Variants in POLR1D observed in about 807,000 individuals in gnomAD.
POLR1D encodes DNA-directed RNA polymerases I and III subunit RPAC2.
POLR1D carries 8 observed loss-of-function variants against 10.8 expected under a neutral mutation model. The observed-to-expected ratio is 0.74, with a 90% CI of 0.43 to 1.33. POLR1D has a LOEUF of 1.33. POLR1D is among the 40% of genes most tolerant of loss of function. The pLI, the probability that POLR1D is intolerant of heterozygous loss-of-function variation, is 0.01. For synonymous variants in POLR1D, 54 were observed against 57.2 expected (o/e 0.94, Z 0.25); for missense variants, 152 against 161.7 (o/e 0.94, Z 0.32).
intron 1 of POLR1D, among the ~76,000 whole-genome samples, chr13:27,631,003 C>G (rs1956067434): frequency 6.6e-6 from 1 of 152,248 alleles, no homozygotes; most frequent in South Asian, 2.1e-4. Flanking sequence ...CCGAACCTCT[C>G]TTCCCCTAAA....
At chr13:27,643,910 C>G (rs1168251632) in intron 1 of POLR1D, among the ~76,000 whole-genome samples, 1 of 152,146 alleles carries the variant, frequency 6.6e-6, no homozygotes, top group East Asian at 1.9e-4. Flanking sequence ...TTGAACACAT[C>G]AAGAAGAGAG....
chr13:27,623,436 C>T lies in POLR1D; in HGVS notation c.*186C>T. The T allele has an allele frequency of 2.3e-6, 3 of 1,312,386 alleles. No individual in the cohort carries two copies. Among genetic ancestry groups the T allele is most frequent in the Non-Finnish European group, 3.0e-6 (3 of 1,004,678 alleles). The allele number at this position is 1,312,386 out of a possible 1,614,324, so 81.3% of individuals were successfully genotyped here. A position where few individuals can be genotyped will look rare whatever the true frequency, so the allele number is the denominator to read the frequency against. On this transcript the variant is annotated 3_prime_UTR_variant, in exon 2 of 2. Coordinates refer to ENST00000302979, the MANE Select transcript of POLR1D (RefSeq NM_015972.4). ...CCTCTGTATTCTTCTAATAAATTCC[C>T]TCTTTTATTTAAACTAGTTTGACTG... is the stretch of plus-strand genomic sequence containing the variant.
At chr13:27,659,176 T>C (rs571093946) in intron 2 of POLR1D, among the ~76,000 whole-genome samples, 35 of 152,352 alleles carry the variant, frequency 2.3e-4, no homozygotes, top group African/African-American at 7.0e-4. Context: ...CATGTGTTTA[T>C]TTATTTATAT....
chr13:27,663,696 A>C lies in POLR1D; in HGVS notation c.102-1990A>C, dbSNP rs140926903. Among the ~76,000 whole-genome samples the C allele has an allele frequency of 1.3e-5, 2 of 152,264 alleles. No individual in the cohort carries two copies. Among genetic ancestry groups the C allele is most frequent in the African/African-American group, 4.8e-5 (2 of 41,564 alleles). On this transcript the variant is annotated intron_variant, in intron 2 of 2. Transcript: ENST00000399697. The surrounding 1 kb of genome is among the most constrained non-coding windows in gnomAD (Gnocchi z 4.1). ...CAAAGGTTTTGTTCTGAGATCCTGG[A>C]TTACCATCACGTCTGGGAAAAGTAC...
chr13:27,658,296 C>T (rs193154020), intron 2 of POLR1D, among the ~76,000 whole-genome samples: 160 of 152,340 alleles, frequency 1.1e-3, no homozygotes, highest in Non-Finnish European at 1.8e-3. Flanking sequence ...TCTGCAGAAT[C>T]CAGAACAATC....
chr13:27,629,160 G>A (rs1347587983), intron 1 of POLR1D, among the ~76,000 whole-genome samples: 3 of 152,176 alleles, frequency 2.0e-5, no homozygotes, highest in Non-Finnish European at 4.4e-5. Context: ...ATTGATATGT[G>A]TGGAATCTTG....
chr13:27,634,462 G>A (rs1956103119), intron 1 of POLR1D, among the ~76,000 whole-genome samples: 1 of 152,180 alleles, frequency 6.6e-6, no homozygotes, highest in African/African-American at 2.4e-5. Flanking sequence ...AAAGCAGACA[G>A]CCTAACAGAC....
chr13:27,627,731 T>G (rs1056279528), downstream of POLR1D, among the ~76,000 whole-genome samples: 2 of 114,760 alleles, frequency 1.7e-5, no homozygotes, highest in East Asian at 2.3e-4. Context: ...GTTTTAGTTT[T>G]TTTTTTTTTT....
upstream of POLR1D, chr13:27,620,864 G>C (rs1373889806): frequency 6.5e-6 from 1 of 152,814 alleles, no homozygotes. Context: ...CGCCAAGAGT[G>C]GCACAGCTGG....
At chr13:27,621,885 G>C, upstream of POLR1D, 4 of 1,296,672 alleles carry the variant, frequency 3.1e-6, no homozygotes, top group South Asian at 1.3e-5. Context: ...GCCTTCCGTC[G>C]GTCGGTCCTT....
intron 1 of POLR1D, chr13:27,646,296 C>T (rs929923663): frequency 2.0e-5 from 3 of 151,978 alleles, no homozygotes; most frequent in Admixed American, 2.0e-4. Context: ...ATATTTATAC[C>T]CTTTAATTTT....
downstream of POLR1D, among the ~76,000 whole-genome samples, chr13:27,624,992 G>T (rs140224082): frequency 9.2e-5 from 14 of 152,292 alleles, no homozygotes; most frequent in African/African-American, 2.9e-4. Context: ...CGGAAGTTAG[G>T]AAAGGTGTTC....
rs1440411178 is a variant in POLR1D at position 27,621,940 on chromosome 13, C to T, written c.-44C>T. 1.9e-6 allele frequency: 3 copies of T among 1,574,392 alleles called. No individual in the cohort carries two copies. The highest frequency in any genetic ancestry group is 1.7e-4 in the Middle Eastern group (1 of 6,028). On this transcript the variant is annotated 5_prime_UTR_variant, in exon 1 of 2. Coordinates refer to ENST00000302979, the MANE Select transcript of POLR1D (RefSeq NM_015972.4). ...CGCCTCGCGCTATGGGACAGAGCCC[C>T]CGATCCGCCAGCACCACCTGAGGAT...
intron 1 of POLR1D, among the ~76,000 whole-genome samples, chr13:27,635,073 A>G (rs1260855080): frequency 6.6e-6 from 1 of 152,132 alleles, no homozygotes; most frequent in Non-Finnish European, 1.5e-5. Flanking sequence ...AGTTCAGTTT[A>G]AGAGACAAAA....
At chr13:27,648,103 G>GAT (rs1421548766) in intron 1 of POLR1D, 1 of 279,312 alleles carries the variant, frequency 3.6e-6, no homozygotes, top group Admixed American at 4.8e-5. Flanking sequence ...AATAAGAAAA[G>GAT]ATAATTCTTA....
At chr13:27,645,166 A>T (rs901897510) in intron 1 of POLR1D, among the ~76,000 whole-genome samples, 6 of 152,208 alleles carry the variant, frequency 3.9e-5, no homozygotes, top group African/African-American at 1.4e-4. Flanking sequence ...CAAAATAGTG[A>T]TCAGTCCTCC....
rs555221760 is a variant in POLR1D at position 27,656,395 on chromosome 13, A to G, written c.101+7942A>G. ...GTATATATCAAAACTACAAATGGCC[A>G]GTAAGTAAACATACTAACACATTTA... is the stretch of plus-strand genomic sequence containing the variant. On this transcript the variant is annotated intron_variant, in intron 2 of 2. Transcript: ENST00000399697. 2.6e-5 allele frequency among the ~76,000 whole-genome samples: 4 copies of G among 152,354 alleles called. No individual in the cohort carries two copies. The South Asian group carries it at 8.3e-4, about 32-fold the overall frequency.
At position 27,623,379 on chromosome 13, in the gene POLR1D, A is replaced by G; in HGVS notation, c.*129A>G. 1 of 1,519,214 alleles carries G rather than the reference A, an allele frequency of 6.6e-7. No homozygotes were observed. Among genetic ancestry groups the G allele is most frequent in the Non-Finnish European group, 8.8e-7 (1 of 1,134,238 alleles). 94.1% of individuals were successfully genotyped at this position (1,519,214 alleles called of 1,614,324 possible). A position where few individuals can be genotyped will look rare whatever the true frequency, so the allele number is the denominator to read the frequency against. ...CAGAAAGGCGTGATTCTAGCTGTTG[A>G]CCCCTTGCAGCTGTTGGAATCTCTG... On this transcript the variant is annotated 3_prime_UTR_variant, in exon 2 of 2. Coordinates refer to ENST00000302979, the MANE Select transcript of POLR1D (RefSeq NM_015972.4).
In POLR1D at chr13:27,663,347, C is replaced by T. The variant is rs898609245; in HGVS notation, c.102-2339C>T. On this transcript the variant is annotated intron_variant, in intron 2 of 2. Transcript: ENST00000399697. This position sits in a 1 kb window ranked among gnomAD's most constrained non-coding sequence, Gnocchi z 4.1. ...CCAGTAAACCAAGATCTCCTCAGGC[C>T]ACCCTTGGCTATTTACCTAGAATAG... Among the ~76,000 whole-genome samples, 3 of 152,120 alleles carry T rather than the reference C, an allele frequency of 2.0e-5. No homozygotes were observed. Among genetic ancestry groups the T allele is most frequent in the Non-Finnish European group, 4.4e-5 (3 of 68,024 alleles).
Sources: allele counts gnomAD v4.1 joint callset (sites outside exome capture counted in the v4.1 genomes callset), GRCh38; gene constraint gnomAD v4.1.1; non-coding constraint Gnocchi (gnomAD v3.1); transcripts MANE v1.5; gene names NCBI Gene and HGNC (gene_info 2026-07-23, HGNC 2026-07-21).